The following EXD3 variants were observed in gnomAD, a reference collection of about 807,000 sequenced individuals.
The protein encoded by EXD3 is exonuclease 3'-5' domain containing 3.
In EXD3, 92 loss-of-function variants were observed where a neutral mutation model predicts 98.0. The ratio of observed to expected loss-of-function variants is 0.94; its 90% CI spans 0.79 to 1.12. EXD3 has a LOEUF of 1.12. Among genes scored for constraint, EXD3 ranks in the 50% most tolerant of loss-of-function variants. The pLI is 0.00. For synonymous variants in EXD3, 569 were observed against 526.0 expected, an observed-to-expected ratio of 1.08 and a Z score of -1.12; for missense variants, 1,222 against 1,191.6, an observed-to-expected ratio of 1.03 and a Z score of -0.38.
At position 137,354,325 on chromosome 9, in the gene EXD3, G is replaced by A; in HGVS notation, c.870+14C>T. 6 of 1,612,034 alleles carry A rather than the reference G, an allele frequency of 3.7e-6. No individual in the cohort carries two copies. The highest frequency in any genetic ancestry group is 5.1e-6 in the Non-Finnish European group (6 of 1,179,606). On this transcript the variant is annotated intron_variant, in intron 10 of 21. Transcript: ENST00000340951. ...GGCCGCCCTGCCGGCTTACAGGCAA[G>A]GGCACGAACTCACCTGCACATGGTC...
Position 137,399,280 on chromosome 9 carries a change from CGGACAT to C in EXD3, c.-47-3882_-47-3877del, listed in dbSNP as rs1437935863. On this transcript the variant is annotated intron_variant, in intron 1 of 21. Transcript: ENST00000340951. The stretch of plus-strand genomic sequence containing the variant: ...GGGCCGTGGCCGGATCCCAGCAGGA[CGGACAT>C]GGTGTGGTCCCCTGGGGGCTCCGTG... 2.6e-5 allele frequency among the ~76,000 whole-genome samples: 4 copies of C among 152,142 alleles called. No homozygotes were observed. The East Asian group carries it at 7.7e-4, about 29-fold the overall frequency.
rs1834681391 is a variant in EXD3 at position 137,355,613 on chromosome 9, AGGAGGAAGGGAGGAT to A, written c.757+640_757+654del. Reference sequence around the variant, plus strand: ...GAAAGGGCGGAAGGAGAAAGGAGGAAGGAGGAAGGGAGGATGGAGGAAGGAGGAAGGAGGAAGGAG... The same window carrying A: ...GAAAGGGCGGAAGGAGAAAGGAGGAAGGAGGAAGGAGGAAGGAGGAAGGAG... On this transcript the variant is annotated intron_variant, in intron 8 of 21. Coordinates refer to ENST00000340951, the MANE Select transcript of EXD3 (RefSeq NM_017820.5). Among the ~76,000 whole-genome samples, 4 of 49,936 alleles carry A rather than the reference AGGAGGAAGGGAGGAT, an allele frequency of 8.0e-5. 1 individual carries two copies. The highest frequency in any genetic ancestry group is 1.7e-4 in the African/African-American group (2 of 11,782). The allele number at this position is 49,936 out of a possible 152,430, so 32.8% of individuals were successfully genotyped here. A position where few individuals can be genotyped will look rare whatever the true frequency, so the allele number is the denominator to read the frequency against.
Position 137,407,773 on chromosome 9 carries a change from G to A in EXD3, c.-47-12369C>T, listed in dbSNP as rs1195157541. Among the ~76,000 whole-genome samples, 1 of 151,092 alleles carries A rather than the reference G, an allele frequency of 6.6e-6. No homozygotes were observed. Among genetic ancestry groups the A allele is most frequent in the Non-Finnish European group, 1.5e-5 (1 of 67,736 alleles). On this transcript the variant is annotated intron_variant, in intron 1 of 21. Coordinates refer to ENST00000340951, the MANE Select transcript of EXD3 (RefSeq NM_017820.5). The surrounding 1 kb of genome is among the most constrained non-coding windows in gnomAD (Gnocchi z 4.4). Reference sequence around the variant, plus strand: ...CAGTGCTTCCGTCACTGGAGCCCACGGGTCCACAGGCATTCGAGGTCTTGG... The same window carrying A: ...CAGTGCTTCCGTCACTGGAGCCCACAGGTCCACAGGCATTCGAGGTCTTGG...
chr9:137,394,626 G>A (rs1837113826), intron 2 of EXD3, among the ~76,000 whole-genome samples: 2 of 152,218 alleles, frequency 1.3e-5, no homozygotes, highest in Admixed American at 6.5e-5. Flanking sequence ...GTCTCGATCT[G>A]TAGGAACAGG....
intron 21 of EXD3, 66 bp from the exon 22 acceptor site, chr9:137,307,329 G>A (rs1398537333): frequency 9.0e-6 from 13 of 1,439,028 alleles, no homozygotes; most frequent in Non-Finnish European, 1.2e-5. Flanking sequence ...GCTGCTCCCA[G>A]AGTGGTGCAG....
At chr9:137,330,922 A>T (rs1344851782) in intron 17 of EXD3, among the ~76,000 whole-genome samples, 1 of 152,218 alleles carries the variant, frequency 6.6e-6, no homozygotes. Flanking sequence ...TAAAACAAAC[A>T]TGATAATGTC....
chr9:137,332,375 G>A (rs982786024), intron 17 of EXD3, among the ~76,000 whole-genome samples: 1 of 151,984 alleles, frequency 6.6e-6, no homozygotes, highest in African/African-American at 2.4e-5. Context: ...GGATCACAAG[G>A]TCAGGAGATC....
chr9:137,389,789 A>G (rs954637493), intron 2 of EXD3, among the ~76,000 whole-genome samples: 1 of 152,104 alleles, frequency 6.6e-6, no homozygotes, highest in African/African-American at 2.4e-5. Context: ...AAAAGATCCT[A>G]CCTACAACAG....
rs1446740696 is a variant in EXD3, at chr9:137,349,194, G to T, written c.1746C>A (p.Ser582Arg). 1.9e-6 allele frequency: 3 copies of T among 1,587,046 alleles called. No individual in the cohort carries two copies. In the Admixed American group the frequency reaches 5.3e-5, roughly 28 times the overall value. ...GTCTCTCTCTGTGCCTGGGCCTCCGGCTCCCAGCCAGGTCCTCCGACAGGT... is the reference window on the plus strand; with the variant it reads ...GTCTCTCTCTGTGCCTGGGCCTCCGTCTCCCAGCCAGGTCCTCCGACAGGT... ...RFHLSEDLAGSRRPRHRERPG... is the reference protein window; with the variant it reads ...RFHLSEDLAGRRRPRHRERPG... The change falls in exon 16 of 22, where the codon AGC (serine) becomes AGA (arginine). Residue 582 changes from serine (S) to arginine (R), a missense_variant. Coordinates refer to ENST00000340951, the MANE Select transcript of EXD3 (RefSeq NM_017820.5). The surrounding 1 kb of genome is among the most constrained non-coding windows in gnomAD (Gnocchi z 7.4).
chr9:137,379,337 G>T (rs1253553257), intron 3 of EXD3, among the ~76,000 whole-genome samples: 1 of 127,892 alleles, frequency 7.8e-6, no homozygotes, highest in Non-Finnish European at 1.6e-5. Flanking sequence ...TCTGTGTGAG[G>T]GGTACAGGGT....
intron 5 of EXD3, among the ~76,000 whole-genome samples, chr9:137,368,648 C>T (rs1020537466): frequency 1.3e-5 from 2 of 152,250 alleles, no homozygotes; most frequent in African/African-American, 2.4e-5. Flanking sequence ...CGCGGAGCAT[C>T]GGCGCCCCGC....
rs965098660 is a variant in EXD3, at chr9:137,328,605, C to G, written c.1999-4462G>C. On this transcript the variant is annotated intron_variant, in intron 17 of 21. Transcript: ENST00000340951. ...AGCTACACGGGACTACACGGGACTA[C>G]ACGGGGCTACACGGGACTACACGGG... is the stretch of plus-strand genomic sequence containing the variant. Among the ~76,000 whole-genome samples, 21 of 91,680 alleles carry G rather than the reference C, an allele frequency of 2.3e-4. 2 individuals are homozygous for G. The highest frequency in any genetic ancestry group is 5.0e-3 in the Middle Eastern group (1 of 200). The allele number at this position is 91,680 out of a possible 152,430, so 60.1% of individuals were successfully genotyped here. A position where few individuals can be genotyped will look rare whatever the true frequency, so the allele number is the denominator to read the frequency against.
intron 1 of EXD3, among the ~76,000 whole-genome samples, chr9:137,404,296 C>T (rs933587789): frequency 6.6e-6 from 1 of 152,162 alleles, no homozygotes; most frequent in African/African-American, 2.4e-5. Context: ...GGCAGAGGCT[C>T]CCCACGCCAG....
intron 3 of EXD3, chr9:137,377,029 G>A (rs919262284): frequency 6.6e-6 from 1 of 151,706 alleles, no homozygotes; most frequent in African/African-American, 2.4e-5. Context: ...AGCCAGCTAC[G>A]GAATAAAAAG....
chr9:137,412,394 A>G (rs906227379), intron 1 of EXD3, among the ~76,000 whole-genome samples: 2 of 152,262 alleles, frequency 1.3e-5, no homozygotes, highest in African/African-American at 4.8e-5. Context: ...TAAATAAAAT[A>G]TATTATTAAA....
intron 10 of EXD3, chr9:137,353,359 A>T: frequency 1.0e-6 from 1 of 985,128 alleles, no homozygotes; most frequent in Non-Finnish European, 1.2e-6. Context: ...GAGCCCGGGC[A>T]TGTTTTCTGG....
At chr9:137,315,174 G>A (rs1831577452) in intron 19 of EXD3, among the ~76,000 whole-genome samples, 1 of 152,284 alleles carries the variant, frequency 6.6e-6, no homozygotes, top group Admixed American at 6.5e-5. Flanking sequence ...GCGACACCTT[G>A]CCCTCCTTGG....
chr9:137,400,349 C>G (rs1296781471), intron 1 of EXD3, among the ~76,000 whole-genome samples: 1 of 152,156 alleles, frequency 6.6e-6, no homozygotes, highest in Non-Finnish European at 1.5e-5. Context: ...AGCATTAACC[C>G]AAAAGTCCAC....
At position 137,351,450 on chromosome 9, in the gene EXD3, G is replaced by A; in HGVS notation, c.1252C>T (p.Gln418Ter). The change falls in exon 13 of 22, where the codon CAG (glutamine) becomes TAG (stop). Residue 418 changes from glutamine (Q) to a stop codon, truncating the protein, a stop_gained. Coordinates refer to ENST00000340951, the MANE Select transcript of EXD3 (RefSeq NM_017820.5). LOFTEE classifies it high-confidence loss of function. ...AACACGTGGCCCTCCACGGCCACCT[G>A]CAGGAGTGACGGCCGAGGCCGGCCC... is the stretch of plus-strand genomic sequence containing the variant. ...AGGRPRPSLLQVAVEGHVFLL... is the reference protein window; with the variant it reads ...AGGRPRPSLL 1.2e-6 allele frequency: 2 copies of A among 1,604,274 alleles called. No homozygotes were observed. The highest frequency in any genetic ancestry group is 1.7e-6 in the Non-Finnish European group (2 of 1,176,772).
Sources: allele counts gnomAD v4.1 joint callset (sites outside exome capture counted in the v4.1 genomes callset), GRCh38; gene constraint gnomAD v4.1.1; non-coding constraint Gnocchi (gnomAD v3.1); transcripts MANE v1.5; gene names NCBI Gene and HGNC (gene_info 2026-07-23, HGNC 2026-07-21).